Variants in TOX observed in about 807,000 individuals in gnomAD.
TOX encodes thymocyte selection-associated high mobility group box protein TOX.
In TOX, 11 loss-of-function variants were observed where a neutral mutation model predicts 53.7. The ratio of observed to expected loss-of-function variants is 0.20; its 90% confidence interval spans 0.13 to 0.34. TOX has a LOEUF of 0.34. Among genes scored for constraint, TOX ranks in the 10% least tolerant of loss-of-function variants. The probability of loss-of-function intolerance (pLI) is 1.00; values close to 1 mark genes in which losing one functional copy is unlikely to be tolerated. For synonymous variants in TOX, 225 were observed against 245.3 expected, an observed-to-expected ratio of 0.92 and a Z score of 0.77; for missense variants, 570 against 664.6, an observed-to-expected ratio of 0.86 and a Z score of 1.56.
intron 3 of TOX, among the ~76,000 whole-genome samples, chr8:58,910,724 C>A (rs889798065): frequency 3.3e-5 from 5 of 152,184 alleles, no homozygotes; most frequent in Admixed American, 3.3e-4. Flanking sequence ...GTCTTGTAAA[C>A]TCTCTCCAAG....
At chr8:58,913,586 C>T (rs1811945756) in intron 3 of TOX, among the ~76,000 whole-genome samples, 2 of 152,148 alleles carry the variant, frequency 1.3e-5, no homozygotes, top group South Asian at 4.1e-4. Flanking sequence ...GTGGTAAAGT[C>T]ACCTTCTAAC....
rs148433100 is a variant in TOX, at chr8:58,937,787, C to T, written c.411+1515G>A. The stretch of plus-strand genomic sequence containing the variant: ...ACTGGCATTTTCCATGCATACTGAA[C>T]GCCCCCTTCTTCTCCTCTCTAGGGA... On this transcript the variant is annotated intron_variant, in intron 3 of 8. Transcript: ENST00000361421. Among the ~76,000 whole-genome samples, 13 of 152,202 alleles carry T rather than the reference C, an allele frequency of 8.5e-5. No individual in the cohort carries two copies. The Middle Eastern group carries it at 0.01, about 119-fold the overall frequency.
At chr8:58,922,008 G>A (rs1174509302) in intron 3 of TOX, among the ~76,000 whole-genome samples, 1 of 152,136 alleles carries the variant, frequency 6.6e-6, no homozygotes, top group Non-Finnish European at 1.5e-5. Flanking sequence ...TTACTATCTT[G>A]GTCCCTAATT....
chr8:58,850,961 C>T (rs1035116374), intron 4 of TOX, among the ~76,000 whole-genome samples: 1 of 152,146 alleles, frequency 6.6e-6, no homozygotes, highest in Non-Finnish European at 1.5e-5. Context: ...AAAAGAATGG[C>T]TCTGCTGGTG....
At chr8:59,078,435 A>G (rs1313811657) in intron 1 of TOX, among the ~76,000 whole-genome samples, 4 of 152,248 alleles carry the variant, frequency 2.6e-5, no homozygotes, top group Middle Eastern at 3.4e-3. Flanking sequence ...AGATCTTGTC[A>G]TTTAAAAGGG....
At chr8:59,107,661 TAGAG>T (rs770486349) in intron 1 of TOX, among the ~76,000 whole-genome samples, 3 of 152,140 alleles carry the variant, frequency 2.0e-5, no homozygotes, top group Non-Finnish European at 2.9e-5. Context: ...CACTACCAGA[TAGAG>T]AGAGAGTTGG....
intron 1 of TOX, among the ~76,000 whole-genome samples, chr8:59,046,955 C>T (rs1158036170): frequency 2.0e-5 from 3 of 151,408 alleles, no homozygotes; most frequent in East Asian, 1.9e-4. Flanking sequence ...TCATCCACCA[C>T]GCAGTGACAT....
At chr8:58,874,282 T>C (rs1041443503) in intron 3 of TOX, among the ~76,000 whole-genome samples, 3 of 152,042 alleles carry the variant, frequency 2.0e-5, no homozygotes, top group Non-Finnish European at 4.4e-5. Context: ...TTTTTTAGTT[T>C]AGTAATACAG....
chr8:59,026,844 G>C (rs189795910), intron 1 of TOX, among the ~76,000 whole-genome samples: 68 of 147,920 alleles, frequency 4.6e-4, no homozygotes, highest in Admixed American at 4.4e-3. Context: ...ATTTTCATAA[G>C]AGCATGAGAC....
At chr8:58,911,981 C>G (rs977019299) in intron 3 of TOX, among the ~76,000 whole-genome samples, 1 of 152,208 alleles carries the variant, frequency 6.6e-6, no homozygotes, top group Non-Finnish European at 1.5e-5. Flanking sequence ...GGATTACAGG[C>G]GTGAGCCACC....
chr8:58,861,784 C>A (rs1187616442), intron 3 of TOX, among the ~76,000 whole-genome samples: 1 of 152,114 alleles, frequency 6.6e-6, no homozygotes, highest in Non-Finnish European at 1.5e-5. Flanking sequence ...ATTTAAGTTG[C>A]TTTCTCATAT....
intron 3 of TOX, among the ~76,000 whole-genome samples, chr8:58,872,997 T>C (rs1343387725): frequency 1.3e-5 from 2 of 152,230 alleles, no homozygotes; most frequent in Middle Eastern, 6.8e-3. Flanking sequence ...AATATTTTTT[T>C]AAATCTCAAA....
At position 58,939,271 on chromosome 8, in the gene TOX, C is replaced by T. The variant is rs1228955002; in HGVS notation, c.411+31G>A. On this transcript the variant is annotated intron_variant, in intron 3 of 8. Coordinates refer to ENST00000361421, the MANE Select transcript of TOX (RefSeq NM_014729.3). Reference sequence around the variant, plus strand: ...CCTTGTCCTTATGGTATCCCTCAGCCCCCACCACAAACAGGTAAGCAGATT... The same window carrying T: ...CCTTGTCCTTATGGTATCCCTCAGCTCCCACCACAAACAGGTAAGCAGATT... 1.9e-6 allele frequency: 3 copies of T among 1,611,706 alleles called. No individual in the cohort carries two copies. The East Asian group carries it at 6.7e-5, about 36-fold the overall frequency.
rs575639653 is a variant in TOX, at chr8:58,905,736, T to C, written c.411+33566A>G. On this transcript the variant is annotated intron_variant, in intron 3 of 8. Coordinates refer to ENST00000361421, the MANE Select transcript of TOX (RefSeq NM_014729.3). ...CGTGCGCCATGCTTGCATTATTCCT[T>C]TATACTGACGGAAGTGTAGAGTTAC... Among the ~76,000 whole-genome samples the C allele has an allele frequency of 2.6e-5, 4 of 152,362 alleles. No homozygotes were observed. In the East Asian group the frequency reaches 7.7e-4, roughly 29 times the overall value.
chr8:58,970,021 T>C (rs944880704), intron 1 of TOX, among the ~76,000 whole-genome samples: 11 of 152,206 alleles, frequency 7.2e-5, no homozygotes, highest in Admixed American at 6.5e-4. Context: ...GTTGATACAT[T>C]AAAATTAAAT....
chr8:58,941,037 C>G (rs1812429121), intron 2 of TOX, among the ~76,000 whole-genome samples: 1 of 152,108 alleles, frequency 6.6e-6, no homozygotes, highest in Non-Finnish European at 1.5e-5. Context: ...TCTTAAATAT[C>G]TAAAGTTCTG....
At chr8:58,956,031 G>A (rs568026272) in intron 2 of TOX, among the ~76,000 whole-genome samples, 163 of 152,134 alleles carry the variant, frequency 1.1e-3, no homozygotes, top group African/African-American at 3.8e-3. Flanking sequence ...AACCACGCCC[G>A]GCAGAAGAGG....
At chr8:58,988,374 C>A (rs1007097279) in intron 1 of TOX, among the ~76,000 whole-genome samples, 7 of 152,172 alleles carry the variant, frequency 4.6e-5, no homozygotes, top group African/African-American at 1.7e-4. Context: ...TCTTTCATTT[C>A]TGTATGTCTA....
At chr8:59,090,840 G>A (rs1804596193) in intron 1 of TOX, among the ~76,000 whole-genome samples, 1 of 152,024 alleles carries the variant, frequency 6.6e-6, no homozygotes, top group African/African-American at 2.4e-5. Context: ...CTTCCTCAAG[G>A]CCCATCAAAC....
Sources: allele counts gnomAD v4.1 joint callset (sites outside exome capture counted in the v4.1 genomes callset), GRCh38; gene constraint gnomAD v4.1.1; transcripts MANE v1.5; gene names NCBI Gene and HGNC (gene_info 2026-07-23, HGNC 2026-07-21).